SPOCK3: variants seen among roughly 807,000 people sequenced by gnomAD.
The protein encoded by SPOCK3 is SPARC (osteonectin), cwcv and kazal like domains proteoglycan 3, also known as testican-3.
In SPOCK3, 30 loss-of-function variants were observed where a neutral mutation model predicts 56.6. The observed-to-expected ratio is 0.53, with a 90% CI of 0.40 to 0.72. The LOEUF is 0.72. Among genes scored for constraint, SPOCK3 ranks in the 30% least tolerant of loss-of-function variants. The probability of loss-of-function intolerance (pLI) is 0.00; values close to 1 mark genes in which losing one functional copy is unlikely to be tolerated. For synonymous variants in SPOCK3, 196 were observed against 183.3 expected (o/e 1.07, Z -0.56); for missense variants, 527 against 530.0 (o/e 0.99, Z 0.06).
chr4:167,030,101 C>G (rs992370388), intron 3 of SPOCK3, among the ~76,000 whole-genome samples: 1 of 150,780 alleles, frequency 6.6e-6, no homozygotes, highest in Non-Finnish European at 1.5e-5. Flanking sequence ...ATCTATCTAT[C>G]TATCTATCTA....
intron 2 of SPOCK3, among the ~76,000 whole-genome samples, chr4:167,172,965 A>G (rs1580513116): frequency 6.6e-6 from 1 of 152,008 alleles, no homozygotes; most frequent in Non-Finnish European, 1.5e-5. Context: ...TCCTCCTCTT[A>G]TTTCTCTTTC....
chr4:166,857,002 CT>C (rs1730757224), intron 6 of SPOCK3, among the ~76,000 whole-genome samples: 1 of 152,070 alleles, frequency 6.6e-6, no homozygotes, highest in Non-Finnish European at 1.5e-5. Context: ...CCTACATCTG[CT>C]GCACTAACCA....
intron 6 of SPOCK3, among the ~76,000 whole-genome samples, chr4:166,795,065 C>A (rs376260723): frequency 6.6e-6 from 1 of 152,168 alleles, no homozygotes; most frequent in Admixed American, 6.5e-5. Context: ...AGCACTCCAT[C>A]ATGTACACTA....
At chr4:167,205,622 T>C (rs980089956) in intron 2 of SPOCK3, among the ~76,000 whole-genome samples, 2 of 120,686 alleles carry the variant, frequency 1.7e-5, no homozygotes, top group South Asian at 2.3e-4. Flanking sequence ...AATATCTATA[T>C]ATATTTTCCT....
intron 3 of SPOCK3, among the ~76,000 whole-genome samples, chr4:167,034,039 A>G (rs967649332): frequency 2.8e-4 from 43 of 152,064 alleles, no homozygotes; most frequent in African/African-American, 1.0e-3. Context: ...TAACAGAAAT[A>G]GCCACTATCT....
intron 6 of SPOCK3, among the ~76,000 whole-genome samples, chr4:166,884,458 T>A (rs1733994433): frequency 6.6e-6 from 1 of 152,174 alleles, no homozygotes; most frequent in Non-Finnish European, 1.5e-5. Context: ...TACAAATATT[T>A]TGCAAAATAT....
At chr4:167,059,674 A>T (rs1755358593) in intron 3 of SPOCK3, among the ~76,000 whole-genome samples, 1 of 152,114 alleles carries the variant, frequency 6.6e-6, no homozygotes, top group Non-Finnish European at 1.5e-5. Context: ...AGGACTATAA[A>T]TCATGCTGCT....
At chr4:167,059,140 A>C (rs1220586280) in intron 3 of SPOCK3, among the ~76,000 whole-genome samples, 1 of 152,110 alleles carries the variant, frequency 6.6e-6, no homozygotes, top group African/African-American at 2.4e-5. Context: ...CAAAAGCCAA[A>C]ATTGACAAAT....
In SPOCK3 at chr4:167,106,765, A is replaced by T. The variant is rs560620295; in HGVS notation, c.190-44228T>A. On this transcript the variant is annotated intron_variant, in intron 2 of 10. Coordinates refer to ENST00000357545, the MANE Select transcript of SPOCK3 (RefSeq NM_001040159.2). ...AAACCTTTAGGCAGACCAATGAATT[A>T]AAAAAAAAGGGACAGAAGACCCAAG... is the stretch of plus-strand genomic sequence containing the variant. Among the ~76,000 whole-genome samples the T allele has an allele frequency of 2.7e-5, 4 of 150,260 alleles. No homozygotes were observed. The Admixed American group carries it at 2.7e-4, about 10-fold the overall frequency.
At chr4:167,006,324 A>G (rs1749467550) in intron 3 of SPOCK3, among the ~76,000 whole-genome samples, 1 of 152,174 alleles carries the variant, frequency 6.6e-6, no homozygotes, top group South Asian at 2.1e-4. Flanking sequence ...TTTCGGTGAG[A>G]TTCAGAGTAG....
intron 2 of SPOCK3, among the ~76,000 whole-genome samples, chr4:167,120,369 G>A (rs1761766368): frequency 6.6e-6 from 1 of 151,896 alleles, no homozygotes; most frequent in South Asian, 2.1e-4. Context: ...ACATAGTAAG[G>A]TTGTAGAAAT....
intron 7 of SPOCK3, among the ~76,000 whole-genome samples, chr4:166,775,143 AAG>A (rs1242018460): frequency 6.6e-6 from 1 of 152,152 alleles, no homozygotes; most frequent in Admixed American, 6.6e-5. Context: ...AAGGAAGAGG[AAG>A]AGTAACGGAT....
chr4:166,797,180 C>T (rs1234583976), intron 6 of SPOCK3, among the ~76,000 whole-genome samples: 2 of 142,370 alleles, frequency 1.4e-5, no homozygotes, highest in African/African-American at 2.6e-5. Context: ...GGGACAGGTA[C>T]AAAAGGGAAT....
At chr4:166,902,248 T>G (rs1331224097) in intron 5 of SPOCK3, among the ~76,000 whole-genome samples, 1 of 152,180 alleles carries the variant, frequency 6.6e-6, no homozygotes, top group African/African-American at 2.4e-5. Context: ...GTACAATATT[T>G]TTGGTAGGTA....
intron 6 of SPOCK3, among the ~76,000 whole-genome samples, chr4:166,825,033 AT>A (rs1745315966): frequency 1.3e-5 from 2 of 152,136 alleles, no homozygotes. Flanking sequence ...GCCTTGAAAT[AT>A]TTCATTTATT....
intron 6 of SPOCK3, among the ~76,000 whole-genome samples, chr4:166,851,103 G>A (rs950199081): frequency 7.9e-5 from 12 of 152,086 alleles, no homozygotes; most frequent in Admixed American, 6.5e-5. Flanking sequence ...GGTTCTCCCA[G>A]CACGCAGCTG....
chr4:166,950,503 G>A (rs12500745), intron 4 of SPOCK3, among the ~76,000 whole-genome samples: 97,788 of 150,690 alleles, frequency 0.65, 32,166 homozygotes, highest in East Asian at 0.86. Flanking sequence ...TTAACACCCC[G>A]CTGTCAACAT....
chr4:167,096,517 T>A (rs925404442), intron 2 of SPOCK3, among the ~76,000 whole-genome samples: 1 of 151,850 alleles, frequency 6.6e-6, no homozygotes, highest in African/African-American at 2.4e-5. Flanking sequence ...TTGACCCATA[T>A]GTGATTTAGA....
At chr4:167,118,865 C>T (rs815218) in intron 2 of SPOCK3, among the ~76,000 whole-genome samples, 66,093 of 151,856 alleles carry the variant, frequency 0.44, 15,361 homozygotes, top group African/African-American at 0.6. Flanking sequence ...GAAGGGATTT[C>T]ATGTAACCCA....
Sources: allele counts gnomAD v4.1 joint callset (sites outside exome capture counted in the v4.1 genomes callset), GRCh38; gene constraint gnomAD v4.1.1; transcripts MANE v1.5; gene names NCBI Gene and HGNC (gene_info 2026-07-23, HGNC 2026-07-21).